Variants in LIN9 observed in about 807,000 individuals in gnomAD.
LIN9 encodes the protein lin-9 DREAM MuvB core complex component, also known as protein lin-9 homolog.
In LIN9, 18 loss-of-function variants were observed where a neutral mutation model predicts 78.0. That is an observed-to-expected ratio of 0.23 (90% CI 0.16 to 0.34). The LOEUF (loss-of-function observed/expected upper bound fraction) is 0.34. Ranked by LOEUF, LIN9 falls within the 10% of genes least tolerant of loss-of-function variation. The probability of loss-of-function intolerance (pLI) is 1.00; values close to 1 mark genes in which losing one functional copy is unlikely to be tolerated. For synonymous variants in LIN9, 192 were observed against 215.2 expected (o/e 0.89, Z 0.94); for missense variants, 451 against 644.1 (o/e 0.70, Z 3.25).
At chr1:226,266,425 C>T (rs1180461622) in intron 8 of LIN9, 93 bp from the exon 9 acceptor site, 26 of 992,582 alleles carry the variant, frequency 2.6e-5, no homozygotes, top group Non-Finnish European at 2.8e-5. Context: ...TATATATTCA[C>T]GCATATTCTA....
chr1:226,287,943 T>C, intron 4 of LIN9, 146 bp from the exon 5 acceptor site: 2 of 609,488 alleles, frequency 3.3e-6, no homozygotes, highest in South Asian at 2.1e-5. Flanking sequence ...TGGAATTTTG[T>C]TGCTGTTTTA....
intron 11 of LIN9, among the ~76,000 whole-genome samples, chr1:226,243,566 C>T (rs2102848275): frequency 6.6e-6 from 1 of 151,618 alleles, no homozygotes; most frequent in East Asian, 2.0e-4. Context: ...CGTGGTGGTG[C>T]GTGCCTGTAA....
At chr1:226,256,180 C>T (rs1272843967) in intron 10 of LIN9, among the ~76,000 whole-genome samples, 2 of 151,656 alleles carry the variant, frequency 1.3e-5, no homozygotes, top group Non-Finnish European at 2.9e-5. Flanking sequence ...CCTAGCAGCT[C>T]GAGACCAGCC....
At chr1:226,262,816 C>T (rs114081532) in intron 10 of LIN9, among the ~76,000 whole-genome samples, 207 of 152,266 alleles carry the variant, frequency 1.4e-3, no homozygotes, top group African/African-American at 4.7e-3. Context: ...AACTTACGGC[C>T]ACACAAAAAC....
chr1:226,295,991 CA>C, intron 3 of LIN9, 45 bp from the exon 4 acceptor site: 1 of 1,324,128 alleles, frequency 7.6e-7, no homozygotes, highest in Non-Finnish European at 1.1e-6. Context: ...CGAACCCTCC[CA>C]TTTTTGTTCC....
intron 10 of LIN9, among the ~76,000 whole-genome samples, chr1:226,258,269 G>A (rs1298706716): frequency 6.6e-6 from 1 of 150,438 alleles, no homozygotes; most frequent in Non-Finnish European, 1.5e-5. Flanking sequence ...GGGAGGCTGA[G>A]GCAGGCAGAT....
intron 6 of LIN9, among the ~76,000 whole-genome samples, chr1:226,284,092 G>T (rs1178450899): frequency 6.6e-6 from 1 of 152,110 alleles, no homozygotes; most frequent in Non-Finnish European, 1.5e-5. Flanking sequence ...TGTAAGGCAT[G>T]AGAACAACTT....
At chr1:226,287,216 T>C (rs1343458671) in intron 5 of LIN9, among the ~76,000 whole-genome samples, 1 of 152,222 alleles carries the variant, frequency 6.6e-6, no homozygotes, top group Admixed American at 6.5e-5. Flanking sequence ...ACGTCATACT[T>C]AAGCATATGT....
intron 4 of LIN9, among the ~76,000 whole-genome samples, chr1:226,292,118 C>T (rs1661829496): frequency 6.6e-6 from 1 of 152,026 alleles, no homozygotes; most frequent in African/African-American, 2.4e-5. Context: ...ATTAAGGACC[C>T]GCCTGTTGGG....
At position 226,233,409 on chromosome 1, in the gene LIN9, A is replaced by G; in HGVS notation, c.1360T>C (p.Cys454Arg). 6.2e-7 allele frequency: 1 copy of G among 1,614,126 alleles called. No homozygotes were observed. Among genetic ancestry groups the G allele is most frequent in the Non-Finnish European group, 8.5e-7 (1 of 1,180,006 alleles). ...RHANSSTGQP[C>R]VENENLTDLI... The stretch of plus-strand genomic sequence containing the variant: ...TCTGTCAGATTTTCATTTTCAACGC[A>G]GGGCTGTCCTGTTGAGGAATTTGCA... The change falls in exon 13 of 15, where the codon TGC becomes CGC. Residue 454 changes from cysteine to arginine, a missense_variant. Cys to Arg is a radical substitution (Grantham distance 180). Coordinates refer to ENST00000681046, the MANE Select transcript of LIN9 (RefSeq NM_001366245.2).
chr1:226,309,562 G>C (rs1235026804), upstream of LIN9: 15 of 1,183,020 alleles, frequency 1.3e-5, no homozygotes, highest in African/African-American at 3.3e-5. Context: ...CCGGCGGGGG[G>C]AAAGAAGCCC....
chr1:226,251,063 GT>G (rs113161222), intron 10 of LIN9, 144 bp from the exon 11 acceptor site: 16 of 459,554 alleles, frequency 3.5e-5, no homozygotes, highest in East Asian at 7.9e-5. Flanking sequence ...CATTGTTTTG[GT>G]TTTTTTTTCT....
chr1:226,265,758 A>G lies in LIN9; in HGVS notation c.937-124T>C. ...GCCACTTGTGATCTCGGCTCACTGC[A>G]ATCTCTGACTCCTGGGTTCAAGCGA... On this transcript the variant is annotated intron_variant, in intron 9 of 14. Coordinates refer to ENST00000681046, the MANE Select transcript of LIN9 (RefSeq NM_001366245.2). This position sits in a 1 kb window ranked among gnomAD's most constrained non-coding sequence, Gnocchi z 4.1. 1.9e-6 allele frequency: 1 copy of G among 536,712 alleles called. No individual in the cohort carries two copies. The highest frequency in any genetic ancestry group is 2.0e-5 in the South Asian group (1 of 49,784). The allele number at this position is 536,712 out of a possible 1,614,324, so 33.2% of individuals were successfully genotyped here. A position where few individuals can be genotyped will look rare whatever the true frequency, so the allele number is the denominator to read the frequency against.
intron 6 of LIN9, among the ~76,000 whole-genome samples, chr1:226,285,357 T>G (rs1249382020): frequency 1.3e-5 from 2 of 152,148 alleles, no homozygotes; most frequent in Non-Finnish European, 2.9e-5. Flanking sequence ...TAAGAAATAT[T>G]AAAAACATCA....
chr1:226,290,561 T>C lies in LIN9; in HGVS notation c.265-2764A>G, dbSNP rs756577112. On this transcript the variant is annotated intron_variant, in intron 4 of 14. Transcript: ENST00000681046. ...TTCACCGTGTTAGCCAGGGTGGTCT[T>C]GATCTCCTGACCTCGTGATCCGCCC... 8.6e-5 allele frequency among the ~76,000 whole-genome samples: 13 copies of C among 151,932 alleles called. 1 individual carries two copies. Among genetic ancestry groups the C allele is most frequent in the Admixed American group, 4.6e-4 (7 of 15,248 alleles).
At chr1:226,289,452 T>A (rs1335500819) in intron 4 of LIN9, among the ~76,000 whole-genome samples, 1 of 152,060 alleles carries the variant, frequency 6.6e-6, no homozygotes. Flanking sequence ...AGCCTTGACC[T>A]CCTGGGCTCA....
chr1:226,260,973 G>C (rs1659550709), intron 10 of LIN9, among the ~76,000 whole-genome samples: 1 of 151,654 alleles, frequency 6.6e-6, no homozygotes, highest in Non-Finnish European at 1.5e-5. Context: ...AAGTATGCAA[G>C]GCTGATTCAA....
chr1:226,233,551 C>T (rs764436022), intron 12 of LIN9, 28 bp from the exon 13 acceptor site: 84 of 1,544,068 alleles, frequency 5.4e-5, no homozygotes, highest in Middle Eastern at 3.5e-4. Context: ...AAGCATGAGA[C>T]GCATGTTCGA....
In LIN9 at chr1:226,233,503, G is replaced by C. The variant is rs1302118029; in HGVS notation, c.1266C>G (p.Leu422=). Residue 422 remains leucine (L), a synonymous_variant, in exon 13 of 15, where the codon CTC becomes CTG. Transcript: ENST00000681046. ...TATCTGTTGGCTGATCTGCAGGCTG[G>C]AGCCCCTGGTCTGGAGCAAGCTGAA... ...YCYELAPDQG[L]QPADQPTDMR... 1.1e-5 allele frequency: 17 copies of C among 1,613,510 alleles called. No homozygotes were observed. The East Asian group carries it at 3.8e-4, about 36-fold the overall frequency.
Sources: gnomAD v4.1 joint callset for allele counts (sites outside exome capture counted in the v4.1 genomes callset) on GRCh38, gnomAD v4.1.1 for gene constraint, Gnocchi (gnomAD v3.1) non-coding constraint, MANE v1.5 for transcripts, NCBI Gene and HGNC (gene_info 2026-07-23, HGNC 2026-07-21) for gene names.